The following ZNF547 variants were observed in gnomAD, a reference collection of about 807,000 sequenced individuals.
The protein encoded by ZNF547 is zinc finger protein 547.
ZNF547 carries 4 observed loss-of-function variants against 7.7 expected under a neutral mutation model. The ratio of observed to expected loss-of-function variants is 0.52; its 90% CI spans 0.26 to 1.20. The LOEUF (loss-of-function observed/expected upper bound fraction) is 1.20, where lower values mean the gene tolerates loss of function less well. Ranked by LOEUF, ZNF547 falls within the 50% of genes most tolerant of loss-of-function variation. The pLI is 0.14. For synonymous variants in ZNF547, 166 were observed against 166.2 expected (o/e 1.00, Z 0.01); for missense variants, 449 against 485.8 (o/e 0.92, Z 0.71).
intron 2 of ZNF547, among the ~76,000 whole-genome samples, chr19:57,370,767 T>C (rs1315081128): frequency 6.6e-6 from 1 of 152,120 alleles, no homozygotes; most frequent in African/African-American, 2.4e-5. Context: ...ATCTTCCATC[T>C]GTTTCCTCTG....
intron 3 of ZNF547, among the ~76,000 whole-genome samples, chr19:57,372,492 G>T (rs1351235330): frequency 1.3e-5 from 2 of 152,180 alleles, no homozygotes; most frequent in African/African-American, 4.8e-5. Flanking sequence ...CAAGAGGGTG[G>T]ATATTACTCC....
chr19:57,366,770 A>G (rs2088473526), intron 1 of ZNF547, among the ~76,000 whole-genome samples: 1 of 152,232 alleles, frequency 6.6e-6, no homozygotes, highest in Non-Finnish European at 1.5e-5. Flanking sequence ...TTTGGTAGAT[A>G]GATTTAAAAC....
intron 1 of ZNF547, chr19:57,364,742 A>T: frequency 8.9e-7 from 1 of 1,117,606 alleles, no homozygotes; most frequent in Non-Finnish European, 1.3e-6. Flanking sequence ...TTCCGTGTCA[A>T]AAAAAGGTGC....
chr19:57,370,482 G>A (rs2088498143), intron 2 of ZNF547, among the ~76,000 whole-genome samples: 1 of 152,240 alleles, frequency 6.6e-6, no homozygotes, highest in Non-Finnish European at 1.5e-5. Context: ...CTGTTAGGAG[G>A]TGAAGGAAAT....
At chr19:57,375,060 A>T (rs1206457780) in intron 3 of ZNF547, among the ~76,000 whole-genome samples, 1 of 152,144 alleles carries the variant, frequency 6.6e-6, no homozygotes. Context: ...TGCTATTAAG[A>T]AATACCCTGG....
At chr19:57,365,001 G>A (rs2123008113) in intron 1 of ZNF547, 4 of 1,612,606 alleles carry the variant, frequency 2.5e-6, no homozygotes, top group African/African-American at 1.3e-5. Context: ...TGTGGCTGTC[G>A]AACAACATGT....
At chr19:57,372,205 C>T (rs2088509274) in intron 3 of ZNF547, among the ~76,000 whole-genome samples, 1 of 152,166 alleles carries the variant, frequency 6.6e-6, no homozygotes, top group Admixed American at 6.5e-5. Context: ...GACCTCTGTG[C>T]TCTGTTGTTC....
intron 3 of ZNF547, among the ~76,000 whole-genome samples, chr19:57,374,746 T>C (rs2123020862): frequency 6.6e-6 from 1 of 152,336 alleles, no homozygotes; most frequent in Middle Eastern, 3.4e-3. Context: ...CCATTCTCTT[T>C]GCTAAAGCAT....
At chr19:57,373,024 C>A (rs1341644620) in intron 3 of ZNF547, among the ~76,000 whole-genome samples, 1 of 152,210 alleles carries the variant, frequency 6.6e-6, no homozygotes, top group Non-Finnish European at 1.5e-5. Flanking sequence ...GCACAGCAGG[C>A]CTTCTTCTCA....
chr19:57,377,864 T>G lies in ZNF547; in HGVS notation c.888T>G (p.Tyr296Ter), dbSNP rs145929516. 1,433 of 1,613,974 alleles carry G rather than the reference T, an allele frequency of 8.9e-4. No individual in the cohort carries two copies. Among genetic ancestry groups the G allele is most frequent in the Non-Finnish European group, 1.1e-3 (1,298 of 1,180,000 alleles). Reference sequence around the variant, plus strand: ...GAATTCATACAGGAAAAAGGTCTTATGGTTGCAGTGAATGTGGGAAATTCT... The same window carrying G: ...GAATTCATACAGGAAAAAGGTCTTAGGGTTGCAGTGAATGTGGGAAATTCT... ...HYRIHTGKRS[Y>*]GCSECGKFFM... The change falls in exon 4 of 4, where the codon TAT (tyrosine) becomes TAG (stop). Residue 296 changes from tyrosine to a stop codon, truncating the protein, a stop_gained. Transcript: ENST00000282282. LOFTEE classifies it low-confidence loss of function (END_TRUNC).
chr19:57,364,889 A>C, intron 1 of ZNF547: 5 of 1,612,076 alleles, frequency 3.1e-6, no homozygotes, highest in Non-Finnish European at 4.2e-6. Context: ...CCAGTTTTTG[A>C]AATGGAGTTT....
intron 3 of ZNF547, among the ~76,000 whole-genome samples, chr19:57,374,084 G>A (rs1468637490): frequency 6.6e-6 from 1 of 152,214 alleles, no homozygotes; most frequent in African/African-American, 2.4e-5. Context: ...CACCCCTGCA[G>A]CAAACCTCTG....
chr19:57,371,637 G>A (rs1362964209), intron 2 of ZNF547, 145 bp from the exon 3 acceptor site: 6 of 1,251,538 alleles, frequency 4.8e-6, no homozygotes, highest in Non-Finnish European at 6.7e-6. Context: ...ATGTGCCCAG[G>A]ATGGTAGGGG....
chr19:57,375,414 G>T (rs184848926), intron 3 of ZNF547, among the ~76,000 whole-genome samples: 14 of 152,016 alleles, frequency 9.2e-5, no homozygotes, highest in East Asian at 3.9e-4. Context: ...ACCTTGGGGG[G>T]GCTGAGGTGG....
intron 1 of ZNF547, among the ~76,000 whole-genome samples, chr19:57,365,964 A>G (rs2088466374): frequency 6.7e-6 from 1 of 150,036 alleles, no homozygotes; most frequent in Non-Finnish European, 1.5e-5. Context: ...TCCCGGGTTC[A>G]AGCAATTCTC....
chr19:57,366,290 G>A (rs2088469246), intron 1 of ZNF547, among the ~76,000 whole-genome samples: 1 of 151,618 alleles, frequency 6.6e-6, no homozygotes, highest in African/African-American at 2.4e-5. Flanking sequence ...GCACGATCTT[G>A]GCTCACTGCA....
In ZNF547 at chr19:57,378,257, A is replaced by C; in HGVS notation, c.*72A>C. 3 of 1,377,656 alleles carry C rather than the reference A, an allele frequency of 2.2e-6. No individual in the cohort carries two copies. Among genetic ancestry groups the C allele is most frequent in the Middle Eastern group, 1.8e-4 (1 of 5,494 alleles). 85.3% of individuals were successfully genotyped at this position (1,377,656 alleles called of 1,614,324 possible). A position where few individuals can be genotyped will look rare whatever the true frequency, so the allele number is the denominator to read the frequency against. On this transcript the variant is annotated 3_prime_UTR_variant, in exon 4 of 4. Coordinates refer to ENST00000282282, the MANE Select transcript of ZNF547 (RefSeq NM_173631.4). ...ATATTGTGGCTGGACAGCAGGCAGT[A>C]CACACTGGAGAAAGACTGAATGCCG... is the stretch of plus-strand genomic sequence containing the variant.
At chr19:57,366,818 C>T (rs1202875849) in intron 1 of ZNF547, among the ~76,000 whole-genome samples, 1 of 152,204 alleles carries the variant, frequency 6.6e-6, no homozygotes, top group Non-Finnish European at 1.5e-5. Context: ...TGTCATAGCA[C>T]ATACGTGGAC....
In ZNF547 at chr19:57,377,365, G is replaced by C. The variant is rs894855046; in HGVS notation, c.389G>C (p.Arg130Thr). ...CACCAGCACCAAAAGGAGCAGATTAGAGAGAAACTTTCTAGAGGGGATGGA... is the reference window on the plus strand; with the variant it reads ...CACCAGCACCAAAAGGAGCAGATTACAGAGAAACTTTCTAGAGGGGATGGA... ...HLHQHQKEQI[R>T]EKLSRGDGGR... Residue 130 changes from arginine (R) to threonine (T), a missense_variant, in exon 4 of 4, where the codon AGA becomes ACA. Transcript: ENST00000282282. 11 of 1,614,122 alleles carry C rather than the reference G, an allele frequency of 6.8e-6. No homozygotes were observed. In the Admixed American group the frequency reaches 1.8e-4, roughly 27 times the overall value.
Sources: allele counts gnomAD v4.1 joint callset (sites outside exome capture counted in the v4.1 genomes callset), GRCh38; gene constraint gnomAD v4.1.1; transcripts MANE v1.5; gene names NCBI Gene and HGNC (gene_info 2026-07-23, HGNC 2026-07-21).